RBFOX1: variants seen among roughly 807,000 people sequenced by gnomAD.
The protein encoded by RBFOX1 is RNA binding fox-1 homolog 1.
A neutral mutation model predicts 57.7 loss-of-function variants in RBFOX1; 8 were observed. That is an observed-to-expected ratio of 0.14 (90% confidence interval 0.08 to 0.25). The LOEUF (loss-of-function observed/expected upper bound fraction) is 0.25. Among genes scored for constraint, RBFOX1 ranks in the 10% least tolerant of loss-of-function variants. RBFOX1 has a pLI of 1.00. For missense variants in RBFOX1, 611 were observed against 548.5 expected (o/e 1.11, Z -1.14); for synonymous variants, 326 against 222.4 (o/e 1.47, Z -4.15).
chr16:5,415,993 A>G (rs1298343421), intron 1 of RBFOX1, among the ~76,000 whole-genome samples: 2 of 152,218 alleles, frequency 1.3e-5, no homozygotes, highest in East Asian at 1.9e-4. Context: ...TAACGCAGTG[A>G]TAGTGTTACA....
At chr16:5,647,756 G>T (rs757868230) in intron 3 of RBFOX1, among the ~76,000 whole-genome samples, 5 of 152,188 alleles carry the variant, frequency 3.3e-5, no homozygotes, top group African/African-American at 4.8e-5. Context: ...CAGCTGCCAG[G>T]CTTGGTACAA....
intron 4 of RBFOX1, among the ~76,000 whole-genome samples, chr16:7,177,688 C>A (rs576721421): frequency 6.6e-6 from 1 of 152,108 alleles, no homozygotes; most frequent in African/African-American, 2.4e-5. Context: ...AATTCTAGGA[C>A]AGGGGTCAGC....
intron 3 of RBFOX1, among the ~76,000 whole-genome samples, chr16:6,717,824 G>T (rs1022491384): frequency 6.6e-6 from 1 of 152,160 alleles, no homozygotes; most frequent in African/African-American, 2.4e-5. Flanking sequence ...AGGCATTCTT[G>T]TTATTTACCC....
chr16:6,442,167 C>G (rs75088144), intron 2 of RBFOX1, among the ~76,000 whole-genome samples: 2,926 of 152,256 alleles, frequency 0.019, 88 homozygotes, highest in African/African-American at 0.066. Context: ...GGGGACAGAG[C>G]TTGACTTAGT....
intron 4 of RBFOX1, among the ~76,000 whole-genome samples, chr16:7,080,343 A>AT (rs1567183691): frequency 1.3e-5 from 2 of 152,090 alleles, no homozygotes; most frequent in African/African-American, 4.8e-5. Flanking sequence ...CTTGCCTATC[A>AT]TTCTGTACCT....
intron 2 of RBFOX1, among the ~76,000 whole-genome samples, chr16:6,588,282 AT>A (rs1347263062): frequency 1.3e-5 from 2 of 152,056 alleles, no homozygotes; most frequent in East Asian, 3.9e-4. Context: ...AACAATTCTT[AT>A]TTTTTTAATG....
At chr16:5,296,295 T>C in intron 1 of RBFOX1, among the ~76,000 whole-genome samples, 1 of 152,240 alleles carries the variant, frequency 6.6e-6, no homozygotes, top group East Asian at 1.9e-4. Context: ...TGGCCTCTCA[T>C]GACTTGGTCT....
At chr16:6,828,999 A>C (rs958320899) in intron 3 of RBFOX1, among the ~76,000 whole-genome samples, 2 of 151,922 alleles carry the variant, frequency 1.3e-5, no homozygotes, top group African/African-American at 4.8e-5. Context: ...CTGTACTTCC[A>C]CTGTTGCCTG....
intron 5 of RBFOX1, among the ~76,000 whole-genome samples, chr16:7,552,844 G>A (rs373400353): frequency 2.7e-4 from 41 of 152,022 alleles, no homozygotes; most frequent in Middle Eastern, 3.4e-3. Context: ...CACAACCCCC[G>A]GCTAATTTTT....
intron 2 of RBFOX1, among the ~76,000 whole-genome samples, chr16:6,503,860 C>G (rs1451096008): frequency 2.0e-5 from 3 of 152,066 alleles, no homozygotes; most frequent in Non-Finnish European, 4.4e-5. Flanking sequence ...TTGCATCTAC[C>G]CAGGCCTCTT....
chr16:7,600,285 A>C (rs1338605164), intron 9 of RBFOX1, among the ~76,000 whole-genome samples: 1 of 152,190 alleles, frequency 6.6e-6, no homozygotes, highest in African/African-American at 2.4e-5. Context: ...TTTAAAACAC[A>C]AATGTCAATT....
intron 1 of RBFOX1, among the ~76,000 whole-genome samples, chr16:5,436,452 A>G (rs529260882): frequency 2.6e-5 from 4 of 152,356 alleles, no homozygotes; most frequent in Non-Finnish European, 4.4e-5. Flanking sequence ...CATTCAGGCC[A>G]CATTACTAAG....
chr16:6,341,181 G>T (rs2084514072), intron 2 of RBFOX1, among the ~76,000 whole-genome samples: 1 of 152,116 alleles, frequency 6.6e-6, no homozygotes, highest in African/African-American at 2.4e-5. Flanking sequence ...GTGTCAATGG[G>T]GCAGCATTCC....
chr16:7,571,144 G>A lies in RBFOX1; in HGVS notation c.271-8633G>A, dbSNP rs182246824. Among the ~76,000 whole-genome samples the A allele has an allele frequency of 9.7e-4, 148 of 152,196 alleles. 3 individuals carry two copies. The highest frequency in any genetic ancestry group is 9.6e-3 in the Admixed American group (147 of 15,294). ...GGGGCTTATTACTTAGGTGATGGGT[G>A]CAGCAAATCACCATGGCACACGTTT... On this transcript the variant is annotated intron_variant, in intron 5 of 15. Transcript: ENST00000550418.
At chr16:6,483,454 G>T (rs1157898283) in intron 2 of RBFOX1, 1 of 1,535,592 alleles carries the variant, frequency 6.5e-7, no homozygotes, top group African/African-American at 1.4e-5. Flanking sequence ...CTTCTCCCGT[G>T]CTGTGTTTTC....
In RBFOX1 at chr16:6,767,938, TAATAATAATAAG is replaced by T. The variant is rs1272127781; in HGVS notation, c.-16+113291_-16+113302del. Among the ~76,000 whole-genome samples the T allele has an allele frequency of 8.6e-3, 731 of 84,704 alleles. 4 individuals are homozygous for T. Among genetic ancestry groups the T allele is most frequent in the African/African-American group, 0.036 (562 of 15,638 alleles). 55.6% of individuals were successfully genotyped at this position (84,704 alleles called of 152,430 possible). On this transcript the variant is annotated intron_variant, in intron 3 of 15. Transcript: ENST00000550418. ...TCAATAATAATAATAATAATAATAA[TAATAATAATAAG>T]AAGAAGAAGAAGAAGAAGAAGAAGA...
chr16:5,734,977 C>A (rs921681481), intron 3 of RBFOX1, among the ~76,000 whole-genome samples: 1 of 151,898 alleles, frequency 6.6e-6, no homozygotes, highest in Non-Finnish European at 1.5e-5. Flanking sequence ...CACAAACTGG[C>A]CACAAAAAAG....
chr16:5,288,024 T>A (rs3942094), intron 1 of RBFOX1, among the ~76,000 whole-genome samples: 1 of 151,962 alleles, frequency 6.6e-6, no homozygotes. Context: ...ACTAGGGAGG[T>A]ACCATAGCAG....
intron 3 of RBFOX1, among the ~76,000 whole-genome samples, chr16:7,014,311 C>G (rs897589426): frequency 1.3e-5 from 2 of 151,892 alleles, no homozygotes; most frequent in Non-Finnish European, 2.9e-5. Context: ...CTCCTGGGTT[C>G]AAGCAATCCT....
Sources: gnomAD v4.1 joint callset for allele counts (sites outside exome capture counted in the v4.1 genomes callset) on GRCh38, gnomAD v4.1.1 for gene constraint, MANE v1.5 for transcripts, NCBI Gene and HGNC (gene_info 2026-07-23, HGNC 2026-07-21) for gene names.